Variants in PCDHGA8 observed in about 807,000 individuals in gnomAD.
The protein encoded by PCDHGA8 is protocadherin gamma subfamily A, 8, also known as protocadherin gamma-A8.
Under a neutral mutation model 59.2 loss-of-function variants are expected in PCDHGA8, and 45 were observed. That is an observed-to-expected ratio of 0.76 (90% CI 0.60 to 0.98). PCDHGA8 has a LOEUF of 0.98. Ranked by LOEUF, PCDHGA8 falls within the 50% of genes least tolerant of loss-of-function variation. The pLI, the probability that PCDHGA8 is intolerant of heterozygous loss-of-function variation, is 0.00. For missense variants in PCDHGA8, 1,257 were observed against 1,196.2 expected (o/e 1.05, Z -0.75); for synonymous variants, 531 against 519.0 (o/e 1.02, Z -0.32).
At chr5:141,453,175 A>G (rs928062909) in intron 1 of PCDHGA8, among the ~76,000 whole-genome samples, 2 of 152,088 alleles carry the variant, frequency 1.3e-5, no homozygotes, top group African/African-American at 4.8e-5. Context: ...GTCCAGTGGT[A>G]CAATCACAGC....
intron 1 of PCDHGA8, among the ~76,000 whole-genome samples, chr5:141,407,809 T>C (rs2094984510): frequency 6.6e-6 from 1 of 152,228 alleles, no homozygotes; most frequent in South Asian, 2.1e-4. Flanking sequence ...TAGAAATATC[T>C]ACTATAATAT....
intron 2 of PCDHGA8, among the ~76,000 whole-genome samples, chr5:141,501,324 CA>C (rs1311475307): frequency 7.2e-5 from 11 of 151,778 alleles, no homozygotes; most frequent in African/African-American, 1.9e-4. Flanking sequence ...CACACACACA[CA>C]CACACACACC....
Position 141,431,794 on chromosome 5 carries a change from A to C in PCDHGA8, c.2424+36557A>C. On this transcript the variant is annotated intron_variant, in intron 1 of 3. Coordinates refer to ENST00000398604, the MANE Select transcript of PCDHGA8 (RefSeq NM_032088.2). The surrounding 1 kb of genome is among the most constrained non-coding windows in gnomAD (Gnocchi z 4.8). ...TTCTGGACGTGAACGACAATGCCCC[A>C]GAAGTGGTCCTCACCTCTCTCGCCA... 1 of 1,614,260 alleles carries C rather than the reference A, an allele frequency of 6.2e-7. No individual in the cohort carries two copies. Among genetic ancestry groups the C allele is most frequent in the Non-Finnish European group, 8.5e-7 (1 of 1,180,046 alleles).
intron 1 of PCDHGA8, among the ~76,000 whole-genome samples, chr5:141,442,945 C>G (rs1000311671): frequency 1.8e-4 from 28 of 152,150 alleles, no homozygotes; most frequent in African/African-American, 6.3e-4. Context: ...GAAACTTCCT[C>G]TCACTGCAAA....
At chr5:141,460,580 G>A (rs1037056676) in intron 1 of PCDHGA8, among the ~76,000 whole-genome samples, 7 of 152,160 alleles carry the variant, frequency 4.6e-5, no homozygotes, top group African/African-American at 1.4e-4. Flanking sequence ...ATGTAGGTGT[G>A]GGTTTTTTCT....
At chr5:141,404,882 G>T (rs1380203392) in intron 1 of PCDHGA8, 3 of 1,613,772 alleles carry the variant, frequency 1.9e-6, no homozygotes, top group Non-Finnish European at 2.5e-6. Context: ...GAGCCTTGTG[G>T]TGGCTGTACA....
chr5:141,410,508 G>T (rs752298772), intron 1 of PCDHGA8: 1 of 1,613,968 alleles, frequency 6.2e-7, no homozygotes, highest in South Asian at 1.1e-5. Context: ...TTCCTAAAAT[G>T]CAGTGTGCCC....
At chr5:141,400,791 T>C in intron 1 of PCDHGA8, 1 of 562,286 alleles carries the variant, frequency 1.8e-6, no homozygotes, top group Non-Finnish European at 3.1e-6. Flanking sequence ...TTTGTCCTCT[T>C]TCTCAAAGCT....
Position 141,392,858 on chromosome 5 carries a change from G to A in PCDHGA8, c.45G>A (p.Leu15=), listed in dbSNP as rs764346882. The A allele has an allele frequency of 1.9e-5, 31 of 1,612,486 alleles. No homozygotes were observed. The East Asian group carries it at 6.2e-4, about 32-fold the overall frequency. ...GCCCCAGACGCGGCGAGCTGATCCT[G>A]CTGTGCGCGCTGCTGGGAACGCTGT... ...QSRPRRGELI[L]LCALLGTLWE... Residue 15 remains leucine (L), a synonymous_variant, in exon 1 of 4, where the codon CTG becomes CTA. Transcript: ENST00000398604.
intron 1 of PCDHGA8, among the ~76,000 whole-genome samples, chr5:141,480,895 A>G (rs1275670492): frequency 6.6e-6 from 1 of 152,048 alleles, no homozygotes; most frequent in African/African-American, 2.4e-5. Flanking sequence ...AAATGCAAAC[A>G]TTAGCTGGGC....
At chr5:141,427,879 C>T in intron 1 of PCDHGA8, 1 of 1,562,380 alleles carries the variant, frequency 6.4e-7, no homozygotes. Context: ...ACGATGCAGG[C>T]CCACGACCAG....
intron 1 of PCDHGA8, among the ~76,000 whole-genome samples, chr5:141,453,974 T>C (rs1386640440): frequency 6.6e-6 from 1 of 152,242 alleles, no homozygotes; most frequent in Non-Finnish European, 1.5e-5. Flanking sequence ...CATGTAGTTG[T>C]GTTGCCTTCC....
intron 1 of PCDHGA8, among the ~76,000 whole-genome samples, chr5:141,480,615 AT>A (rs1279544819): frequency 2.0e-5 from 3 of 152,218 alleles, no homozygotes; most frequent in African/African-American, 7.2e-5. Context: ...AGCAACTGGC[AT>A]TTTCCCTAGA....
Position 141,487,856 on chromosome 5 carries a change from T to C in PCDHGA8, c.2425-6951T>C. The C allele has an allele frequency of 2.0e-6, 2 of 977,364 alleles. No homozygotes were observed. The highest frequency in any genetic ancestry group is 3.0e-6 in the Non-Finnish European group (2 of 671,858). 60.5% of individuals were successfully genotyped at this position (977,364 alleles called of 1,614,324 possible). A position where few individuals can be genotyped will look rare whatever the true frequency, so the allele number is the denominator to read the frequency against. Reference sequence around the variant, plus strand: ...ATATCTGAGTAAGAAATGAAAGTAATTGGTGATCAAGAGCCAGGCTGTTGT... The same window carrying C: ...ATATCTGAGTAAGAAATGAAAGTAACTGGTGATCAAGAGCCAGGCTGTTGT... On this transcript the variant is annotated intron_variant, in intron 1 of 3. Transcript: ENST00000398604. The surrounding 1 kb of genome is among the most constrained non-coding windows in gnomAD (Gnocchi z 5.0).
rs779686795 is a variant in PCDHGA8 at position 141,476,566 on chromosome 5, G to C, written c.2425-18241G>C. The stretch of plus-strand genomic sequence containing the variant: ...TGGAGATTAGCGAGGCCGTGGCTCC[G>C]GGGACGCGCTTTCCGCTCGAGAGCG... On this transcript the variant is annotated intron_variant, in intron 1 of 3. Transcript: ENST00000398604. This position sits in a 1 kb window ranked among gnomAD's most constrained non-coding sequence, Gnocchi z 7.6. 1.2e-6 allele frequency: 2 copies of C among 1,614,180 alleles called. No homozygotes were observed. The highest frequency in any genetic ancestry group is 1.7e-5 in the Admixed American group (1 of 60,030).
chr5:141,394,183 A>G lies in PCDHGA8; in HGVS notation c.1370A>G (p.Tyr457Cys). 1.2e-6 allele frequency: 2 copies of G among 1,613,702 alleles called. No homozygotes were observed. The highest frequency in any genetic ancestry group is 1.7e-6 in the Non-Finnish European group (2 of 1,179,798). ...DNPPTFPHASYSAYILENNLR... is the reference protein window; with the variant it reads ...DNPPTFPHASCSAYILENNLR... Reference sequence around the variant, plus strand: ...CCTCCTACTTTCCCTCATGCCTCCTACTCAGCGTATATCCTAGAGAACAAC... The same window carrying G: ...CCTCCTACTTTCCCTCATGCCTCCTGCTCAGCGTATATCCTAGAGAACAAC... Residue 457 changes from tyrosine (Y) to cysteine (C), a missense_variant, in exon 1 of 4, where the codon TAC (tyrosine) becomes TGC (cysteine). By Grantham distance (194) the Tyr-to-Cys change is radical. Transcript: ENST00000398604.
intron 3 of PCDHGA8, among the ~76,000 whole-genome samples, chr5:141,506,904 C>T (rs55892286): frequency 0.2 from 30,589 of 152,050 alleles, 3,131 homozygotes; most frequent in Middle Eastern, 0.24. Flanking sequence ...ACTGTCATCA[C>T]ACCTGGGCAC....
intron 1 of PCDHGA8, among the ~76,000 whole-genome samples, chr5:141,437,983 A>G (rs544812394): frequency 4.6e-5 from 7 of 151,938 alleles, no homozygotes; most frequent in Admixed American, 2.6e-4. Context: ...GGATGCACCC[A>G]CCCCACCTCA....
chr5:141,392,883 TGGGAAATC>T lies in PCDHGA8; in HGVS notation c.75_82del (p.Ile26GlyfsTer19), dbSNP rs1224904365. ...GCTGTGCGCGCTGCTGGGAACGCTG[TGGGAAATC>T]GGGAGGGGACAGATTCGCTACTCTG... On this transcript the variant is annotated frameshift_variant, in exon 1 of 4. Coordinates refer to ENST00000398604, the MANE Select transcript of PCDHGA8 (RefSeq NM_032088.2). LOFTEE classifies it high-confidence loss of function. 5 of 1,613,518 alleles carry T rather than the reference TGGGAAATC, an allele frequency of 3.1e-6. No individual in the cohort carries two copies. The highest frequency in any genetic ancestry group is 4.2e-6 in the Non-Finnish European group (5 of 1,179,826).
Sources: gnomAD v4.1 joint callset for allele counts (sites outside exome capture counted in the v4.1 genomes callset) on GRCh38, gnomAD v4.1.1 for gene constraint, Gnocchi (gnomAD v3.1) non-coding constraint, MANE v1.5 for transcripts, NCBI Gene and HGNC (gene_info 2026-07-23, HGNC 2026-07-21) for gene names.